The following LDB2 variants were observed in gnomAD, a reference collection of about 807,000 sequenced individuals.
LDB2 encodes the protein LIM domain binding 2.
LDB2 carries 12 observed loss-of-function variants against 44.3 expected under a neutral mutation model. That is an observed-to-expected ratio of 0.27 (90% CI 0.17 to 0.44). The LOEUF is 0.44. Ranked by LOEUF, LDB2 falls within the 20% of genes least tolerant of loss-of-function variation. LDB2 has a pLI of 1.00. For missense variants in LDB2, 344 were observed against 473.5 expected (o/e 0.73, Z 2.54); for synonymous variants, 164 against 174.8 (o/e 0.94, Z 0.49).
rs114355386 is a variant in LDB2, at chr4:16,535,949, A to G, written c.616-23845T>C. On this transcript the variant is annotated intron_variant, in intron 5 of 7. Transcript: ENST00000304523. ...TTTCTAACCACTGCACTGTGCTGCT[A>G]TCCTTTGTGACTTGGGAAAGATCCT... 2.2e-3 allele frequency among the ~76,000 whole-genome samples: 336 copies of G among 152,322 alleles called. 9 individuals carry two copies. Among genetic ancestry groups the G allele is most frequent in the Admixed American group, 0.022 (335 of 15,302 alleles).
At position 16,785,545 on chromosome 4, in the gene LDB2, C is replaced by T. The variant is rs371153715; in HGVS notation, c.133-26285G>A. On this transcript the variant is annotated intron_variant, in intron 1 of 7. Coordinates refer to ENST00000304523, the MANE Select transcript of LDB2 (RefSeq NM_001290.5). The stretch of plus-strand genomic sequence containing the variant: ...CATCGCCTACCGTGGCTGCAATGGC[C>T]GGGCAGCAGCCGCATCGGGTGAAAG... Among the ~76,000 whole-genome samples, 23 of 152,236 alleles carry T rather than the reference C, an allele frequency of 1.5e-4. No individual in the cohort carries two copies. The East Asian group carries it at 2.7e-3, about 18-fold the overall frequency.
intron 1 of LDB2, among the ~76,000 whole-genome samples, chr4:16,813,877 C>CT (rs369397187): frequency 0.031 from 4,504 of 143,884 alleles, 136 homozygotes; most frequent in East Asian, 0.093. Flanking sequence ...CTTTTCTTTT[C>CT]TTTTTTTTTT....
At chr4:16,659,048 A>G (rs1489093220) in intron 2 of LDB2, among the ~76,000 whole-genome samples, 3 of 152,242 alleles carry the variant, frequency 2.0e-5, no homozygotes, top group Non-Finnish European at 4.4e-5. Flanking sequence ...AATGAGCCTG[A>G]TTTTAAGGTT....
intron 2 of LDB2, among the ~76,000 whole-genome samples, chr4:16,726,003 T>C (rs1759371571): frequency 6.7e-6 from 1 of 150,094 alleles, no homozygotes; most frequent in Admixed American, 6.7e-5. Flanking sequence ...TACTTATATA[T>C]AATTTTTATG....
intron 5 of LDB2, among the ~76,000 whole-genome samples, chr4:16,528,318 C>A (rs1003982898): frequency 6.6e-6 from 1 of 152,144 alleles, no homozygotes; most frequent in African/African-American, 2.4e-5. Context: ...AAATTTTACT[C>A]ATGTAACCAA....
At chr4:16,699,892 G>A (rs916581296) in intron 2 of LDB2, among the ~76,000 whole-genome samples, 2 of 152,112 alleles carry the variant, frequency 1.3e-5, no homozygotes, top group Non-Finnish European at 2.9e-5. Flanking sequence ...CGCATGTACA[G>A]TAGGGGGGCC....
At chr4:16,837,122 T>A (rs143809089) in intron 1 of LDB2, among the ~76,000 whole-genome samples, 3,418 of 152,314 alleles carry the variant, frequency 0.022, 120 homozygotes, top group African/African-American at 0.073. Flanking sequence ...TATGAGCAGC[T>A]AAGATATTTA....
Position 16,588,707 on chromosome 4 carries a change from T to C in LDB2, c.531+3A>G. 1.9e-6 allele frequency: 3 copies of C among 1,612,252 alleles called. No homozygotes were observed. The highest frequency in any genetic ancestry group is 1.3e-5 in the African/African-American group (1 of 74,966). On this transcript the variant is annotated splice_donor_region_variant and intron_variant, in intron 4 of 7. Transcript: ENST00000304523. Reference sequence around the variant, plus strand: ...AAAGCAAAACAGAAATTAAATTACTTACATGCATGGCTAGGATGCTTCTCG... The same window carrying C: ...AAAGCAAAACAGAAATTAAATTACTCACATGCATGGCTAGGATGCTTCTCG...
At chr4:16,844,299 A>G (rs1358702973) in intron 1 of LDB2, among the ~76,000 whole-genome samples, 1 of 151,236 alleles carries the variant, frequency 6.6e-6, no homozygotes, top group African/African-American at 2.4e-5. Context: ...TGAGTCACCA[A>G]GCAACAGCTG....
intron 5 of LDB2, among the ~76,000 whole-genome samples, chr4:16,562,257 G>C (rs917813357): frequency 3.9e-5 from 6 of 152,144 alleles, no homozygotes; most frequent in Admixed American, 6.6e-5. Flanking sequence ...CACAGCAAAA[G>C]AAACTACCAT....
intron 7 of LDB2, 102 bp from the exon 8 acceptor site, chr4:16,502,975 C>T (rs878969249): frequency 5.6e-6 from 9 of 1,604,410 alleles, no homozygotes; most frequent in African/African-American, 2.7e-5. Flanking sequence ...CAGACACACT[C>T]GTGTACTGTA....
chr4:16,896,622 T>C (rs1725099708), intron 1 of LDB2, among the ~76,000 whole-genome samples: 1 of 152,182 alleles, frequency 6.6e-6, no homozygotes, highest in Admixed American at 6.5e-5. Context: ...ATATTGTTGC[T>C]GTTCAAGAAT....
intron 1 of LDB2, among the ~76,000 whole-genome samples, chr4:16,774,765 A>ATG (rs1260935138): frequency 2.6e-5 from 4 of 151,952 alleles, no homozygotes; most frequent in East Asian, 1.9e-4. Context: ...TTGTGTGTGC[A>ATG]TGTGTGTGTG....
At chr4:16,857,839 A>T (rs1789661300) in intron 1 of LDB2, among the ~76,000 whole-genome samples, 1 of 151,964 alleles carries the variant, frequency 6.6e-6, no homozygotes, top group Non-Finnish European at 1.5e-5. Context: ...TCCCTTACTC[A>T]GTGTTAGGCT....
At chr4:16,559,144 A>G (rs1285894069) in intron 5 of LDB2, among the ~76,000 whole-genome samples, 2 of 152,240 alleles carry the variant, frequency 1.3e-5, no homozygotes, top group African/African-American at 2.4e-5. Context: ...GGCTAGGAAG[A>G]AACTGCATCA....
chr4:16,834,129 T>C (rs1784507714), intron 1 of LDB2, among the ~76,000 whole-genome samples: 1 of 152,232 alleles, frequency 6.6e-6, no homozygotes, highest in Admixed American at 6.5e-5. Context: ...TGCTTGTTTA[T>C]TTACTAATGT....
intron 1 of LDB2, among the ~76,000 whole-genome samples, chr4:16,877,364 G>C (rs1207903351): frequency 1.3e-5 from 2 of 152,140 alleles, no homozygotes; most frequent in African/African-American, 2.4e-5. Flanking sequence ...AGCTTTCCAG[G>C]TGTCCTTAAA....
At chr4:16,786,110 A>G (rs932665120) in intron 1 of LDB2, among the ~76,000 whole-genome samples, 1 of 152,188 alleles carries the variant, frequency 6.6e-6, no homozygotes, top group Non-Finnish European at 1.5e-5. Flanking sequence ...TTAAACATAT[A>G]TATTTTAATT....
chr4:16,503,164 TAAA>T, intron 7 of LDB2: 1 of 1,534,752 alleles, frequency 6.5e-7, no homozygotes, highest in South Asian at 1.2e-5. Context: ...TTTTCAAAAT[TAAA>T]AAAATCCATG....
Sources: allele counts gnomAD v4.1 joint callset (sites outside exome capture counted in the v4.1 genomes callset), GRCh38; gene constraint gnomAD v4.1.1; transcripts MANE v1.5; gene names NCBI Gene and HGNC (gene_info 2026-07-23, HGNC 2026-07-21).